The following ABTB2 variants were observed in gnomAD, a reference collection of about 807,000 sequenced individuals.
ABTB2 encodes the protein ankyrin repeat and BTB/POZ domain-containing protein 2.
ABTB2 carries 56 observed loss-of-function variants against 104.1 expected under a neutral mutation model. The ratio of observed to expected loss-of-function variants is 0.54; its 90% CI spans 0.43 to 0.67. ABTB2 has a LOEUF of 0.67. ABTB2 is among the 30% of genes least tolerant of loss of function. The probability of loss-of-function intolerance (pLI) is 0.00; values close to 1 mark genes in which losing one functional copy is unlikely to be tolerated. For synonymous variants in ABTB2, 606 were observed against 608.2 expected, an observed-to-expected ratio of 1.00 and a Z score of 0.05; for missense variants, 1,279 against 1,407.7, an observed-to-expected ratio of 0.91 and a Z score of 1.46.
In ABTB2 at chr11:34,238,943, C is replaced by T. The variant is rs539521591; in HGVS notation, c.884-34253G>A. On this transcript the variant is annotated intron_variant, in intron 1 of 16. Transcript: ENST00000435224. ...TGAATTTTTGTATTTTTAGTAGAGACGGGGTTTCACCATGTTAGCCAGGAT... is the reference window on the plus strand; with the variant it reads ...TGAATTTTTGTATTTTTAGTAGAGATGGGGTTTCACCATGTTAGCCAGGAT... Among the ~76,000 whole-genome samples, 28 of 152,126 alleles carry T rather than the reference C, an allele frequency of 1.8e-4. No homozygotes were observed. The East Asian group carries it at 3.7e-3, about 20-fold the overall frequency.
intron 1 of ABTB2, among the ~76,000 whole-genome samples, chr11:34,307,278 C>T (rs1197854012): frequency 6.6e-6 from 1 of 152,144 alleles, no homozygotes; most frequent in South Asian, 2.1e-4. Context: ...AGGAGGAGTC[C>T]AGCACAATTA....
chr11:34,281,845 G>A (rs955879994), intron 1 of ABTB2, among the ~76,000 whole-genome samples: 1 of 152,184 alleles, frequency 6.6e-6, no homozygotes, highest in African/African-American at 2.4e-5. Context: ...TCCCAAACAA[G>A]TCATTGAGAC....
At chr11:34,268,435 C>T (rs1854274998) in intron 1 of ABTB2, among the ~76,000 whole-genome samples, 1 of 152,206 alleles carries the variant, frequency 6.6e-6, no homozygotes, top group Non-Finnish European at 1.5e-5. Flanking sequence ...CCAGATCATC[C>T]ACTGCAGCAG....
At chr11:34,276,780 T>C (rs1028220668) in intron 1 of ABTB2, among the ~76,000 whole-genome samples, 3 of 152,194 alleles carry the variant, frequency 2.0e-5, no homozygotes, top group African/African-American at 4.8e-5. Context: ...GTTCCTTGTT[T>C]AGCTGGCATG....
chr11:34,324,856 G>A (rs182147460), intron 1 of ABTB2, among the ~76,000 whole-genome samples: 265 of 152,292 alleles, frequency 1.7e-3, no homozygotes, highest in Non-Finnish European at 3.0e-3. Flanking sequence ...CCTATGTCCC[G>A]GCAGGCTCAG....
rs1855479766 is a variant in ABTB2, at chr11:34,357,291, G to T, written c.293C>A (p.Pro98His). 1 of 1,510,564 alleles carries T rather than the reference G, an allele frequency of 6.6e-7. No homozygotes were observed. The highest frequency in any genetic ancestry group is 1.4e-5 in the African/African-American group (1 of 71,786). The allele number at this position is 1,510,564 out of a possible 1,614,324, so 93.6% of individuals were successfully genotyped here. A position where few individuals can be genotyped will look rare whatever the true frequency, so the allele number is the denominator to read the frequency against. Reference sequence around the variant, plus strand: ...CCGGGCCACGTCTCCTTCGGTCCAGGGGAACTCCTCCAGCTCGGGGAGCCG... The same window carrying T: ...CCGGGCCACGTCTCCTTCGGTCCAGTGGAACTCCTCCAGCTCGGGGAGCCG... ...CPRLPELEEF[P>H]WTEGDVARVL... Residue 98 changes from proline to histidine, a missense_variant, in exon 1 of 17, where the codon CCC becomes CAC. Pro to His is a moderately conservative substitution (Grantham distance 77). Transcript: ENST00000435224.
intron 1 of ABTB2, chr11:34,335,792 A>C: frequency 7.3e-7 from 1 of 1,366,310 alleles, no homozygotes; most frequent in South Asian, 1.2e-5. Context: ...GGAAGCTTGA[A>C]CCTCTGATCT....
chr11:34,199,024 T>C (rs1231974669), intron 2 of ABTB2, among the ~76,000 whole-genome samples: 3 of 152,236 alleles, frequency 2.0e-5, no homozygotes, highest in Non-Finnish European at 4.4e-5. Context: ...TTCATGCTGC[T>C]TCTGGGAATC....
At chr11:34,209,325 G>C (rs1468293933) in intron 1 of ABTB2, among the ~76,000 whole-genome samples, 1 of 151,614 alleles carries the variant, frequency 6.6e-6, no homozygotes, top group South Asian at 2.1e-4. Flanking sequence ...CTGGGCAACA[G>C]AGTGAGCCTC....
intron 2 of ABTB2, among the ~76,000 whole-genome samples, chr11:34,199,033 T>G (rs1478045885): frequency 6.6e-6 from 1 of 152,252 alleles, no homozygotes; most frequent in Non-Finnish European, 1.5e-5. Context: ...CTTCTGGGAA[T>G]CTGGTGTTCT....
intron 2 of ABTB2, 79 bp from the exon 3 acceptor site, chr11:34,197,617 C>T (rs1388260584): frequency 1.9e-6 from 2 of 1,044,162 alleles, no homozygotes; most frequent in East Asian, 5.2e-5. Flanking sequence ...TGCATTCTTC[C>T]AAGGATGTTC....
rs947652685 is a variant in ABTB2 at position 34,266,337 on chromosome 11, A to G, written c.884-61647T>C. On this transcript the variant is annotated intron_variant, in intron 1 of 16. Coordinates refer to ENST00000435224, the MANE Select transcript of ABTB2 (RefSeq NM_145804.3). ...TGGGCTCAAGCAATCTTCCTGCCTC[A>G]GCCTCCCGAAGTGCTGGGATTACAG... Among the ~76,000 whole-genome samples the G allele has an allele frequency of 5.3e-5, 8 of 152,238 alleles. No homozygotes were observed. In the East Asian group the frequency reaches 1.5e-3, roughly 29 times the overall value.
intron 1 of ABTB2, among the ~76,000 whole-genome samples, chr11:34,289,326 T>C (rs1349049468): frequency 1.3e-5 from 2 of 152,126 alleles, no homozygotes; most frequent in Non-Finnish European, 2.9e-5. Context: ...ATTTCAGGAG[T>C]TCGCCATGGC....
intron 1 of ABTB2, among the ~76,000 whole-genome samples, chr11:34,242,172 G>C (rs562874750): frequency 6.6e-6 from 1 of 152,266 alleles, no homozygotes; most frequent in African/African-American, 2.4e-5. Context: ...GTCAAGATTC[G>C]GTCATGCTTG....
intron 1 of ABTB2, among the ~76,000 whole-genome samples, chr11:34,268,477 G>A (rs1354188661): frequency 1.3e-5 from 2 of 152,154 alleles, no homozygotes; most frequent in Non-Finnish European, 2.9e-5. Flanking sequence ...TTTGATTCCT[G>A]CTCTGCCACT....
chr11:34,312,798 T>C (rs1854873747), intron 1 of ABTB2, among the ~76,000 whole-genome samples: 1 of 152,186 alleles, frequency 6.6e-6, no homozygotes, highest in African/African-American at 2.4e-5. Context: ...CCTCCTGGGC[T>C]CAGGCAAGCC....
intron 1 of ABTB2, among the ~76,000 whole-genome samples, chr11:34,285,048 C>A (rs1590241607): frequency 6.6e-6 from 1 of 152,216 alleles, no homozygotes. Context: ...GTCAGTTGGA[C>A]AATCTGATAA....
rs576416317 is a variant in ABTB2 at position 34,289,288 on chromosome 11, T to C, written c.883+67413A>G. On this transcript the variant is annotated intron_variant, in intron 1 of 16. Transcript: ENST00000435224. ...GGTAATAGAGCAGGAAAAAACAAAGTACACATCAACACAGCATTTTGCAAT... is the reference window on the plus strand; with the variant it reads ...GGTAATAGAGCAGGAAAAAACAAAGCACACATCAACACAGCATTTTGCAAT... Among the ~76,000 whole-genome samples, 4 of 152,290 alleles carry C rather than the reference T, an allele frequency of 2.6e-5. No individual in the cohort carries two copies. In the East Asian group the frequency reaches 7.7e-4, roughly 29 times the overall value.
At chr11:34,208,922 C>G (rs1258385796) in intron 1 of ABTB2, among the ~76,000 whole-genome samples, 2 of 152,188 alleles carry the variant, frequency 1.3e-5, no homozygotes. Context: ...TCACCCATCC[C>G]CTGCCTCCAG....
Sources: gnomAD v4.1 joint callset for allele counts (sites outside exome capture counted in the v4.1 genomes callset) on GRCh38, gnomAD v4.1.1 for gene constraint, MANE v1.5 for transcripts, NCBI Gene and HGNC (gene_info 2026-07-23, HGNC 2026-07-21) for gene names.